EMC2: variants seen among roughly 807,000 people sequenced by gnomAD.
EMC2 encodes the protein TPR repeat protein 35.
Under a neutral mutation model 51.6 loss-of-function variants are expected in EMC2, and 37 were observed. The observed-to-expected ratio is 0.72, with a 90% CI of 0.55 to 0.94. The LOEUF (loss-of-function observed/expected upper bound fraction) is 0.94, where lower values mean the gene tolerates loss of function less well. EMC2 is among the 40% of genes least tolerant of loss of function. The probability of loss-of-function intolerance (pLI) is 0.00; values close to 1 mark genes in which losing one functional copy is unlikely to be tolerated. For synonymous variants in EMC2, 131 were observed against 112.4 expected, an observed-to-expected ratio of 1.17 and a Z score of -1.04; for missense variants, 359 against 350.9, an observed-to-expected ratio of 1.02 and a Z score of -0.18.
Position 108,443,699 on chromosome 8 carries a change from G to A in EMC2, c.40+1G>A. ...GAGCTTTACGATGTCACTTGGGAAG[G>A]TAACTTCGGGTGGGGGCGGGTGCGG... On this transcript the variant is annotated splice_donor_variant, in intron 1 of 10. Coordinates refer to ENST00000220853, the MANE Select transcript of EMC2 (RefSeq NM_014673.5). LOFTEE classifies it high-confidence loss of function. The A allele has an allele frequency of 6.2e-7, 1 of 1,608,564 alleles. No homozygotes were observed. The highest frequency in any genetic ancestry group is 8.5e-7 in the Non-Finnish European group (1 of 1,177,202).
intron 10 of EMC2, among the ~76,000 whole-genome samples, chr8:108,479,430 GGTAT>G (rs1273264335): frequency 6.6e-6 from 1 of 151,886 alleles, no homozygotes; most frequent in Non-Finnish European, 1.5e-5. Flanking sequence ...AAGCAGATTG[GGTAT>G]GTGAGTGTAT....
At chr8:108,448,743 T>C (rs529046929) in intron 1 of EMC2, among the ~76,000 whole-genome samples, 4 of 152,334 alleles carry the variant, frequency 2.6e-5, no homozygotes, top group Non-Finnish European at 4.4e-5. Context: ...GTTTCTTTTC[T>C]TTGAACTGTT....
intron 10 of EMC2, among the ~76,000 whole-genome samples, chr8:108,483,217 T>A (rs1811078046): frequency 6.6e-6 from 1 of 152,160 alleles, no homozygotes; most frequent in Non-Finnish European, 1.5e-5. Flanking sequence ...GTCTCTTCAG[T>A]GTGACAAGAC....
chr8:108,475,730 G>T, intron 7 of EMC2, 152 bp from the exon 8 acceptor site: 2 of 532,530 alleles, frequency 3.8e-6, no homozygotes, highest in East Asian at 6.6e-5. Flanking sequence ...ATGAATTTCA[G>T]ATGACAAATA....
chr8:108,449,732 G>T, intron 1 of EMC2, 91 bp from the exon 2 acceptor site: 1 of 587,068 alleles, frequency 1.7e-6, no homozygotes, highest in Non-Finnish European at 3.1e-6. Flanking sequence ...CTAAAAAGCT[G>T]ATTTTGTCTT....
At chr8:108,455,766 C>A in intron 4 of EMC2, 107 bp from the exon 5 acceptor site, 3 of 454,604 alleles carry the variant, frequency 6.6e-6, no homozygotes, top group South Asian at 3.1e-5. Flanking sequence ...ATTATAAATG[C>A]ATTTAAATTA....
chr8:108,480,422 T>C (rs796737217), intron 10 of EMC2, among the ~76,000 whole-genome samples: 32 of 152,254 alleles, frequency 2.1e-4, no homozygotes, highest in African/African-American at 7.7e-4. Context: ...TCTCCTTTTT[T>C]GCTAAAGAGA....
intron 10 of EMC2, among the ~76,000 whole-genome samples, chr8:108,485,666 G>C (rs1427041386): frequency 2.0e-5 from 3 of 150,262 alleles, no homozygotes; most frequent in Non-Finnish European, 4.4e-5. Flanking sequence ...GATGGGAATT[G>C]TCAGTCCAGT....
At position 108,487,397 on chromosome 8, in the gene EMC2, A is replaced by G. The variant is rs1811162523; in HGVS notation, c.*799A>G. On this transcript the variant is annotated 3_prime_UTR_variant, in exon 11 of 11. Coordinates refer to ENST00000220853, the MANE Select transcript of EMC2 (RefSeq NM_014673.5). ...AATTTTGAAAAAAATAAGAAAATTA[A>G]AACTATCCTTAGAAACAAAAATGTT... Among the ~76,000 whole-genome samples the G allele has an allele frequency of 6.6e-6, 1 of 152,004 alleles. No homozygotes were observed. Among genetic ancestry groups the G allele is most frequent in the Non-Finnish European group, 1.5e-5 (1 of 67,936 alleles).
chr8:108,452,983 A>G, intron 3 of EMC2, 79 bp from the exon 4 acceptor site: 1 of 564,210 alleles, frequency 1.8e-6, no homozygotes, highest in Non-Finnish European at 3.0e-6. Flanking sequence ...AAGAAGACAC[A>G]TTGAAGACTA....
At chr8:108,448,728 A>G (rs1030509187) in intron 1 of EMC2, among the ~76,000 whole-genome samples, 1 of 152,122 alleles carries the variant, frequency 6.6e-6, no homozygotes, top group Non-Finnish European at 1.5e-5. Flanking sequence ...GGACTAATAC[A>G]ACCAGTTTCT....
At chr8:108,444,103 G>T (rs552948643) in intron 1 of EMC2, among the ~76,000 whole-genome samples, 2 of 152,336 alleles carry the variant, frequency 1.3e-5, no homozygotes, top group Admixed American at 1.3e-4. Flanking sequence ...TTACTAAGTG[G>T]TGTGTAAGGA....
At chr8:108,466,979 G>A (rs1165323162) in intron 5 of EMC2, among the ~76,000 whole-genome samples, 1 of 152,002 alleles carries the variant, frequency 6.6e-6, no homozygotes, top group Non-Finnish European at 1.5e-5. Context: ...AAGAGACTAT[G>A]GCAAAAAAGA....
chr8:108,456,030 T>C (rs1819146665), intron 5 of EMC2, 100 bp downstream of exon 5: 2 of 363,808 alleles, frequency 5.5e-6, no homozygotes, highest in Non-Finnish European at 1.0e-5. Context: ...GTCTTATATT[T>C]TTAATTTTTA....
At position 108,453,318 on chromosome 8, in the gene EMC2, A is replaced by C. The variant is rs149624930; in HGVS notation, c.305+171A>C. Among the ~76,000 whole-genome samples the C allele has an allele frequency of 1.6e-3, 236 of 152,182 alleles. 1 individual carries two copies. Among genetic ancestry groups the C allele is most frequent in the African/African-American group, 5.3e-3 (222 of 41,508 alleles). On this transcript the variant is annotated intron_variant, in intron 4 of 10. Transcript: ENST00000220853. ...TGAAAACCTTGTCATGTTTGCTTAG[A>C]TATTCAAATAACTTCTTTTTGAAGT... is the stretch of plus-strand genomic sequence containing the variant.
intron 10 of EMC2, among the ~76,000 whole-genome samples, chr8:108,485,718 G>A (rs891248736): frequency 6.6e-6 from 1 of 150,590 alleles, no homozygotes; most frequent in Non-Finnish European, 1.5e-5. Flanking sequence ...ATTCAACAGT[G>A]TTTCCCTCCA....
At chr8:108,472,761 CG>C (rs879522083) in intron 7 of EMC2, among the ~76,000 whole-genome samples, 7 of 151,884 alleles carry the variant, frequency 4.6e-5, no homozygotes, top group Non-Finnish European at 8.8e-5. Flanking sequence ...GTGGCAAAAA[CG>C]TAGCAGTTTC....
intron 8 of EMC2, 78 bp from the exon 9 acceptor site, chr8:108,476,704 G>T (rs943964504): frequency 4.4e-6 from 3 of 685,604 alleles, no homozygotes; most frequent in Non-Finnish European, 8.0e-6. Flanking sequence ...ATTACTGAAT[G>T]CCTATGGTAT....
intron 10 of EMC2, 150 bp from the exon 11 acceptor site, chr8:108,486,362 A>T (rs551329079): frequency 8.4e-7 from 1 of 1,192,170 alleles, no homozygotes; most frequent in East Asian, 2.7e-5. Flanking sequence ...CTCAAATTTT[A>T]TTCTTATTGA....
Sources: allele counts gnomAD v4.1 joint callset (sites outside exome capture counted in the v4.1 genomes callset), GRCh38; gene constraint gnomAD v4.1.1; transcripts MANE v1.5; gene names NCBI Gene and HGNC (gene_info 2026-07-23, HGNC 2026-07-21).